Variants in GIPC1 observed in about 807,000 individuals in gnomAD.
The protein encoded by GIPC1 is GIPC PDZ domain containing family member 1.
A neutral mutation model predicts 28.5 loss-of-function variants in GIPC1; 15 were observed. The observed-to-expected ratio is 0.53, with a 90% CI of 0.35 to 0.81. The LOEUF is 0.81. Ranked by LOEUF, GIPC1 falls within the 30% of genes least tolerant of loss-of-function variation. The pLI is 0.01. For synonymous variants in GIPC1, 224 were observed against 206.1 expected (o/e 1.09, Z -0.74); for missense variants, 439 against 481.9 (o/e 0.91, Z 0.83).
chr19:14,481,616 G>C (rs1004082510), intron 4 of GIPC1: 1 of 151,398 alleles, frequency 6.6e-6, no homozygotes, highest in Non-Finnish European at 1.5e-5. Context: ...AGCTACTCGG[G>C]AGGCTGAGGC....
chr19:14,486,687 T>C (rs2071850942), intron 3 of GIPC1, among the ~76,000 whole-genome samples: 1 of 151,348 alleles, frequency 6.6e-6, no homozygotes, highest in Admixed American at 6.7e-5. Flanking sequence ...ATTTTTTTTC[T>C]GTTTCTTTCT....
chr19:14,488,323 C>T (rs2071889892), intron 3 of GIPC1, among the ~76,000 whole-genome samples: 1 of 151,920 alleles, frequency 6.6e-6, no homozygotes, highest in South Asian at 2.1e-4. Flanking sequence ...TGGTGGTGCA[C>T]ACCTGTGATC....
At position 14,480,713 on chromosome 19, in the gene GIPC1, C is replaced by A; in HGVS notation, c.354G>T (p.Gly118=). Residue 118 remains glycine (G), a synonymous_variant, in exon 5 of 9, where the codon GGG becomes GGT. Coordinates refer to ENST00000393033, the MANE Select transcript of GIPC1 (RefSeq NM_005716.4). ...DMDKLLGGQI[G]LEDFIFAHVK... is the part of the protein sequence containing the mutation. ...CGTGGGCGAAGATGAAGTCCTCCAGCCCGATCTGGCCCCCCAGGAGCTTGT... is the reference window on the plus strand; with the variant it reads ...CGTGGGCGAAGATGAAGTCCTCCAGACCGATCTGGCCCCCCAGGAGCTTGT... 6.2e-7 allele frequency: 1 copy of A among 1,613,992 alleles called. No individual in the cohort carries two copies. The highest frequency in any genetic ancestry group is 8.5e-7 in the Non-Finnish European group (1 of 1,179,868).
In GIPC1 at chr19:14,480,652, A is replaced by C. The variant is rs1265500155; in HGVS notation, c.415T>G (p.Ser139Ala). 6.2e-7 allele frequency: 1 copy of C among 1,614,152 alleles called. No homozygotes were observed. Reference sequence around the variant, plus strand: ...ATGGTGAGCCCGAGTGCATCCTCCGACTTGAACACCTCCACCTCCTTGCGC... The same window carrying C: ...ATGGTGAGCCCGAGTGCATCCTCCGCCTTGAACACCTCCACCTCCTTGCGC... ...GQRKEVEVFK[S>A]EDALGLTITD... Residue 139 changes from serine (S) to alanine (A), a missense_variant, in exon 5 of 9, where the codon TCG becomes GCG. Ser to Ala is a moderately conservative substitution (Grantham distance 99). Coordinates refer to ENST00000393033, the MANE Select transcript of GIPC1 (RefSeq NM_005716.4).
At position 14,482,819 on chromosome 19, in the gene GIPC1, G is replaced by T; in HGVS notation, c.158C>A (p.Ala53Asp). The change falls in exon 4 of 9, where the codon GCC becomes GAC. Residue 53 changes from alanine to aspartate, a missense_variant. Transcript: ENST00000393033. ...PQMGLPPPPP[A>D]LRPRLVFHTQ... The stretch of plus-strand genomic sequence containing the variant: ...GTGGAACACGAGGCGGGGCCGCAGG[G>T]CTGGGGGAGGGGGGGGCAAGCCCAT... 6.3e-7 allele frequency: 1 copy of T among 1,587,188 alleles called. No homozygotes were observed. The highest frequency in any genetic ancestry group is 8.6e-7 in the Non-Finnish European group (1 of 1,167,886).
In GIPC1 at chr19:14,493,787, A is replaced by G. The variant is rs559700979; in HGVS notation, c.-174-875T>C. 5.0e-4 allele frequency among the ~76,000 whole-genome samples: 74 copies of G among 148,922 alleles called. No individual in the cohort carries two copies. The Middle Eastern group carries it at 0.011, about 22-fold the overall frequency. On this transcript the variant is annotated intron_variant, in intron 1 of 8. Transcript: ENST00000393033. Reference sequence around the variant, plus strand: ...CGATTCTCTCCTGCCTCAGCCTCCCATGTAGCTGTGATTACAGGCATGTGC... The same window carrying G: ...CGATTCTCTCCTGCCTCAGCCTCCCGTGTAGCTGTGATTACAGGCATGTGC...
chr19:14,491,402 G>A (rs1285081396), intron 3 of GIPC1, among the ~76,000 whole-genome samples: 3 of 152,030 alleles, frequency 2.0e-5, no homozygotes, highest in African/African-American at 4.8e-5. Flanking sequence ...GGGATTACAG[G>A]TGCGTGCCAC....
At chr19:14,482,254 A>C (rs778357542) in intron 4 of GIPC1, 1 of 213,828 alleles carries the variant, frequency 4.7e-6, no homozygotes, top group Admixed American at 5.3e-5. Flanking sequence ...CCATCCATCC[A>C]ATCAATCCAT....
At position 14,480,337 on chromosome 19, in the gene GIPC1, G is replaced by C; in HGVS notation, c.623C>G (p.Thr208Arg). The change falls in exon 6 of 9, where the codon ACG becomes AGG. Residue 208 changes from threonine to arginine, a missense_variant. Thr to Arg is a moderately conservative substitution (Grantham distance 71). Transcript: ENST00000393033. The part of the protein sequence containing the change: ...LKELPRGRTF[T>R]LKLTEPRKAF... ...CTTGCGAGGCTCCGTGAGCTTCAGCGTGAAGGTACGGCCTCGGGGCAGCTC... is the reference window on the plus strand; with the variant it reads ...CTTGCGAGGCTCCGTGAGCTTCAGCCTGAAGGTACGGCCTCGGGGCAGCTC... The C allele has an allele frequency of 1.2e-6, 2 of 1,611,730 alleles. No homozygotes were observed. Among genetic ancestry groups the C allele is most frequent in the Non-Finnish European group, 1.7e-6 (2 of 1,179,886 alleles).
At chr19:14,490,915 C>A (rs1308758319) in intron 3 of GIPC1, among the ~76,000 whole-genome samples, 78 of 145,350 alleles carry the variant, frequency 5.4e-4, no homozygotes, top group Non-Finnish European at 9.0e-4. Context: ...GCGGAGCTTG[C>A]AGTGAGCCGA....
At chr19:14,485,702 TAGAGAGAGAGAGAGAGAGAGAG>T (rs747570310) in intron 3 of GIPC1, among the ~76,000 whole-genome samples, 2 of 58,794 alleles carry the variant, frequency 3.4e-5, no homozygotes, top group Admixed American at 2.2e-4. Context: ...TATATATATA[TAGAGAGAGAGAGAGAGAGAGAG>T]AGAGAGAGAG....
intron 6 of GIPC1, 66 bp downstream of exon 6, chr19:14,480,239 C>G (rs2071694964): frequency 7.0e-7 from 1 of 1,434,566 alleles, no homozygotes; most frequent in Non-Finnish European, 9.7e-7. Context: ...GCTGGCCGCT[C>G]CCGGCACCAC....
rs551919426 is a variant in GIPC1 at position 14,496,127 on chromosome 19, C to A, written c.-265G>T. The A allele has an allele frequency of 1.8e-4, 33 of 185,034 alleles. No individual in the cohort carries two copies. The South Asian group carries it at 4.5e-3, about 25-fold the overall frequency. The allele number at this position is 185,034 out of a possible 1,614,324, so 11.5% of individuals were successfully genotyped here. Reference sequence around the variant, plus strand: ...GCTCGGCCCTCCGCAAACTCCAGACCGGGCCTCTCCCGCAGCGGCGCCTGG... The same window carrying A: ...GCTCGGCCCTCCGCAAACTCCAGACAGGGCCTCTCCCGCAGCGGCGCCTGG... On this transcript the variant is annotated 5_prime_UTR_variant, in exon 1 of 9. Coordinates refer to ENST00000393033, the MANE Select transcript of GIPC1 (RefSeq NM_005716.4).
chr19:14,482,543 C>A, intron 4 of GIPC1, 146 bp downstream of exon 4: 1 of 782,380 alleles, frequency 1.3e-6, no homozygotes, highest in South Asian at 1.7e-5. Flanking sequence ...CAGCATCCAG[C>A]CCAGGCCATT....
At position 14,486,826 on chromosome 19, in the gene GIPC1, C is replaced by T. The variant is rs933920103; in HGVS notation, c.-30-3820G>A. Among the ~76,000 whole-genome samples, 5 of 151,314 alleles carry T rather than the reference C, an allele frequency of 3.3e-5. No individual in the cohort carries two copies. In the South Asian group the frequency reaches 6.3e-4, roughly 19 times the overall value. ...TCCTGGGTTCAAGCGATTCACCTGC[C>T]TCAACCTCCCAAGTAGCTGTGACTA... On this transcript the variant is annotated intron_variant, in intron 3 of 8. Transcript: ENST00000393033.
At position 14,491,299 on chromosome 19, in the gene GIPC1, C is replaced by T. The variant is rs560928484; in HGVS notation, c.-31+357G>A. Among the ~76,000 whole-genome samples, 55 of 151,976 alleles carry T rather than the reference C, an allele frequency of 3.6e-4. 3 individuals are homozygous for T. In the South Asian group the frequency reaches 0.011, roughly 30 times the overall value. On this transcript the variant is annotated intron_variant, in intron 3 of 8. Coordinates refer to ENST00000393033, the MANE Select transcript of GIPC1 (RefSeq NM_005716.4). Reference sequence around the variant, plus strand: ...TTTGAGATGAACTCTCACTCTGTCACCCAGGCTGGAGTGCAATGGCGCGAT... The same window carrying T: ...TTTGAGATGAACTCTCACTCTGTCATCCAGGCTGGAGTGCAATGGCGCGAT...
intron 3 of GIPC1, among the ~76,000 whole-genome samples, chr19:14,483,853 T>C (rs2071783732): frequency 6.6e-6 from 1 of 151,836 alleles, no homozygotes; most frequent in African/African-American, 2.4e-5. Flanking sequence ...TTTGTTGTTG[T>C]GACAGGGTCT....
rs2071704863 is a variant in GIPC1 at position 14,480,548 on chromosome 19, C to T, written c.474+45G>A. The T allele has an allele frequency of 3.7e-6, 6 of 1,605,896 alleles. No individual in the cohort carries two copies. The African/African-American group carries it at 8.0e-5, about 21-fold the overall frequency. ...CCCTGGTTTCCGGGGTCCCATGGCCCACCCTCACTCCCAGGCCTCCGGGGT... is the reference window on the plus strand; with the variant it reads ...CCCTGGTTTCCGGGGTCCCATGGCCTACCCTCACTCCCAGGCCTCCGGGGT... On this transcript the variant is annotated intron_variant, in intron 5 of 8. Transcript: ENST00000393033.
chr19:14,487,202 G>T (rs1330059681), intron 3 of GIPC1, among the ~76,000 whole-genome samples: 5 of 151,592 alleles, frequency 3.3e-5, no homozygotes, highest in African/African-American at 1.2e-4. Context: ...AGGAGGAAGA[G>T]ATGCCTTTCT....
Sources: gnomAD v4.1 joint callset for allele counts (sites outside exome capture counted in the v4.1 genomes callset) on GRCh38, gnomAD v4.1.1 for gene constraint, MANE v1.5 for transcripts, NCBI Gene and HGNC (gene_info 2026-07-23, HGNC 2026-07-21) for gene names.